Variants in FTO observed in about 807,000 individuals in gnomAD.
FTO encodes alpha-ketoglutarate-dependent dioxygenase FTO.
FTO carries 47 observed loss-of-function variants against 63.9 expected under a neutral mutation model. The observed-to-expected ratio is 0.74, with a 90% CI of 0.58 to 0.94. FTO has a LOEUF of 0.94. FTO is among the 40% of genes least tolerant of loss of function. The pLI, the probability that FTO is intolerant of heterozygous loss-of-function variation, is 0.00. For missense variants in FTO, 562 were observed against 618.1 expected (o/e 0.91, Z 0.96); for synonymous variants, 207 against 224.4 (o/e 0.92, Z 0.69).
chr16:53,762,972 AAT>A (rs61325829), intron 1 of FTO, among the ~76,000 whole-genome samples: 84,133 of 151,362 alleles, frequency 0.56, 23,631 homozygotes, highest in Middle Eastern at 0.62. Context: ...TAAAGAACTG[AAT>A]ATAGCCTGAT....
At chr16:53,809,346 TTTA>T (rs2078458940) in intron 1 of FTO, among the ~76,000 whole-genome samples, 1 of 152,198 alleles carries the variant, frequency 6.6e-6, no homozygotes, top group South Asian at 2.1e-4. Context: ...CAAATAAATG[TTTA>T]CAAGATGAAT....
chr16:53,862,572 G>GTCGCCCAGGCTGGAGTACATT (rs1204734703), intron 4 of FTO, among the ~76,000 whole-genome samples: 5 of 134,454 alleles, frequency 3.7e-5, no homozygotes. Flanking sequence ...GAGTCTCTCT[G>GTCGCCCAGGCTGGAGTACATT]TCGCCCAGGC....
intron 7 of FTO, among the ~76,000 whole-genome samples, chr16:53,907,303 T>G (rs1227963140): frequency 6.6e-6 from 1 of 152,240 alleles, no homozygotes; most frequent in Non-Finnish European, 1.5e-5. Flanking sequence ...CAAGATCATC[T>G]AAGACACAGC....
chr16:53,717,561 G>T (rs2075924315), intron 1 of FTO, among the ~76,000 whole-genome samples: 1 of 151,926 alleles, frequency 6.6e-6, no homozygotes, highest in Non-Finnish European at 1.5e-5. Context: ...TTTCCAGTTT[G>T]TTTATTGCCT....
At chr16:54,107,916 C>T (rs575069682) in intron 8 of FTO, among the ~76,000 whole-genome samples, 2 of 152,310 alleles carry the variant, frequency 1.3e-5, no homozygotes, top group East Asian at 1.9e-4. Context: ...GATTTATTCT[C>T]TTGATTTTGC....
intron 8 of FTO, among the ~76,000 whole-genome samples, chr16:53,942,398 C>T (rs1599046892): frequency 1.3e-5 from 2 of 152,190 alleles, no homozygotes; most frequent in African/African-American, 4.8e-5. Flanking sequence ...AAGACATGGT[C>T]TCCTCCCTGA....
intron 8 of FTO, chr16:54,040,839 T>TA (rs1356158332): frequency 1.3e-5 from 2 of 152,154 alleles, no homozygotes; most frequent in African/African-American, 4.8e-5. Context: ...GAGAATACTT[T>TA]AGAAAGCTAA....
At chr16:54,062,982 C>T (rs1469324250) in intron 8 of FTO, among the ~76,000 whole-genome samples, 4 of 152,242 alleles carry the variant, frequency 2.6e-5, no homozygotes, top group Admixed American at 6.5e-5. Flanking sequence ...TGCACACATG[C>T]GCCCCCGAGG....
Position 53,826,472 on chromosome 16 carries a change from G to C in FTO, c.732G>C (p.Val244=). 1 of 1,614,156 alleles carries C rather than the reference G, an allele frequency of 6.2e-7. No individual in the cohort carries two copies. Among genetic ancestry groups the C allele is most frequent in the Middle Eastern group, 1.6e-4 (1 of 6,062 alleles). The change falls in exon 3 of 9, where the codon GTG becomes GTC. Residue 244 remains valine, a synonymous_variant. Transcript: ENST00000471389. ...TGGTGGACAGGTCAGCGGTGGCAGT[G>C]TACAGTTATAGCTGTGAAGGTACAG... ...ENLVDRSAVA[V]YSYSCEGPEE...
rs2082452443 is a variant in FTO, at chr16:53,938,848, G to A, written c.1364+4739G>A. 2.6e-5 allele frequency among the ~76,000 whole-genome samples: 4 copies of A among 152,074 alleles called. No individual in the cohort carries two copies. In the South Asian group the frequency reaches 6.2e-4, roughly 24 times the overall value. On this transcript the variant is annotated intron_variant, in intron 8 of 8. Coordinates refer to ENST00000471389, the MANE Select transcript of FTO (RefSeq NM_001080432.3). ...CTCACGCCTGTAATCCCAGCACTTT[G>A]GGAGGCCTAGACGGGCGGATCATGA...
chr16:53,881,711 T>G (rs570886216), intron 6 of FTO, among the ~76,000 whole-genome samples: 1 of 152,368 alleles, frequency 6.6e-6, no homozygotes, highest in South Asian at 2.1e-4. Flanking sequence ...CAATATTTGC[T>G]TTATCTTTGG....
chr16:53,777,232 T>C (rs934763096), intron 1 of FTO, among the ~76,000 whole-genome samples: 2 of 152,172 alleles, frequency 1.3e-5, no homozygotes, highest in Admixed American at 1.3e-4. Context: ...CCCACCAAAC[T>C]CTGGCAATTA....
chr16:53,962,431 C>T lies in FTO; in HGVS notation c.1364+28322C>T, dbSNP rs560760117. Reference sequence around the variant, plus strand: ...GACATACATCTCTAGAACCCCAAGACTTTGTCACCTCCCTACTAGGAAACA... The same window carrying T: ...GACATACATCTCTAGAACCCCAAGATTTTGTCACCTCCCTACTAGGAAACA... On this transcript the variant is annotated intron_variant, in intron 8 of 8. Coordinates refer to ENST00000471389, the MANE Select transcript of FTO (RefSeq NM_001080432.3). Among the ~76,000 whole-genome samples, 4 of 152,298 alleles carry T rather than the reference C, an allele frequency of 2.6e-5. No homozygotes were observed. The South Asian group carries it at 8.3e-4, about 32-fold the overall frequency.
In FTO at chr16:53,760,227, TGTGTGTGTGTGTGTGTGTGTGTG is replaced by T. The variant is rs1335162304; in HGVS notation, c.46-49912_46-49890del. Among the ~76,000 whole-genome samples, 202 of 120,502 alleles carry T rather than the reference TGTGTGTGTGTGTGTGTGTGTGTG, an allele frequency of 1.7e-3. 5 individuals are homozygous for T. Among genetic ancestry groups the T allele is most frequent in the Non-Finnish European group, 2.4e-3 (145 of 59,312 alleles). The allele number at this position is 120,502 out of a possible 152,430, so 79.1% of individuals were successfully genotyped here. ...TTTGGTGTGTGTGTGTGTGTGTGTG[TGTGTGTGTGTGTGTGTGTGTGTG>T]TGTGTGTGTGTTTTTTGGAGACAGG... is the stretch of plus-strand genomic sequence containing the variant. On this transcript the variant is annotated intron_variant, in intron 1 of 8. Transcript: ENST00000471389.
chr16:53,970,703 A>G (rs1345033553), intron 8 of FTO, among the ~76,000 whole-genome samples: 1 of 152,086 alleles, frequency 6.6e-6, no homozygotes, highest in South Asian at 2.1e-4. Context: ...TTCCAACTCC[A>G]AACAGTTATT....
At chr16:53,852,163 C>G (rs1051960676) in intron 4 of FTO, among the ~76,000 whole-genome samples, 1 of 145,262 alleles carries the variant, frequency 6.9e-6, no homozygotes, top group African/African-American at 2.6e-5. Flanking sequence ...GTGGTCACAA[C>G]TACTTGGGAG....
chr16:53,988,625 A>C (rs4784336), intron 8 of FTO, among the ~76,000 whole-genome samples: 16,905 of 152,176 alleles, frequency 0.11, 1,226 homozygotes, highest in Admixed American at 0.25. Flanking sequence ...GTATTATCTC[A>C]TCTGATCCTT....
At chr16:54,057,807 T>A (rs1267353363) in intron 8 of FTO, among the ~76,000 whole-genome samples, 3 of 152,164 alleles carry the variant, frequency 2.0e-5, no homozygotes, top group South Asian at 2.1e-4. Context: ...TTGGTAGATG[T>A]GAGTCATACC....
At chr16:53,832,874 G>C (rs1645462521) in intron 3 of FTO, among the ~76,000 whole-genome samples, 1 of 152,116 alleles carries the variant, frequency 6.6e-6, no homozygotes, top group South Asian at 2.1e-4. Context: ...GGTAACCACT[G>C]TTCTGCTTTC....
Sources: gnomAD v4.1 joint callset for allele counts (sites outside exome capture counted in the v4.1 genomes callset) on GRCh38, gnomAD v4.1.1 for gene constraint, MANE v1.5 for transcripts, NCBI Gene and HGNC (gene_info 2026-07-23, HGNC 2026-07-21) for gene names.